The following ZNF654 variants were observed in gnomAD, a reference collection of about 807,000 sequenced individuals.
ZNF654 encodes the protein zinc finger protein 654.
A neutral mutation model predicts 95.3 loss-of-function variants in ZNF654; 19 were observed. The ratio of observed to expected loss-of-function variants is 0.20; its 90% CI spans 0.14 to 0.29. The LOEUF (loss-of-function observed/expected upper bound fraction) is 0.29, where lower values mean the gene tolerates loss of function less well. Ranked by LOEUF, ZNF654 falls within the 10% of genes least tolerant of loss-of-function variation. The probability of loss-of-function intolerance (pLI) is 1.00; values close to 1 mark genes in which losing one functional copy is unlikely to be tolerated. For synonymous variants in ZNF654, 413 were observed against 457.9 expected, an observed-to-expected ratio of 0.90 and a Z score of 1.25; for missense variants, 1,046 against 1,341.0, an observed-to-expected ratio of 0.78 and a Z score of 3.44.
chr3:88,124,956 C>T (rs1039531431), intron 3 of ZNF654, among the ~76,000 whole-genome samples: 6 of 152,100 alleles, frequency 3.9e-5, no homozygotes, highest in Non-Finnish European at 8.8e-5. Context: ...TGGCTCACGC[C>T]TGTAATCCCA....
chr3:88,140,612 T>C lies in ZNF654; in HGVS notation c.2943T>C (p.Ser981=). 1 of 1,613,688 alleles carries C rather than the reference T, an allele frequency of 6.2e-7. No individual in the cohort carries two copies. Among genetic ancestry groups the C allele is most frequent in the Non-Finnish European group, 8.5e-7 (1 of 1,179,706 alleles). ...CSSSDIVNGH[S]EIEQTPLVSS... ...GTAGTGATATAGTCAATGGACACAG[T>C]GAAATAGAGCAAACACCTTTAGTTT... The change falls in exon 8 of 9, where the codon AGT becomes AGC. Residue 981 remains serine, a synonymous_variant. Coordinates refer to ENST00000636215, the MANE Select transcript of ZNF654 (RefSeq NM_001350134.2).
chr3:88,069,477 G>A (rs944140405), intron 1 of ZNF654, among the ~76,000 whole-genome samples: 1 of 152,142 alleles, frequency 6.6e-6, no homozygotes, highest in African/African-American at 2.4e-5. Context: ...CACTTGAATG[G>A]GATATGCTTA....
rs1559701696 is a variant in ZNF654 at position 88,088,761 on chromosome 3, T to TGGATGG, written c.332+2359_332+2360insGGATGG. Among the ~76,000 whole-genome samples, 612 of 126,470 alleles carry TGGATGG rather than the reference T, an allele frequency of 4.8e-3. 2 individuals are homozygous for TGGATGG. Among genetic ancestry groups the TGGATGG allele is most frequent in the East Asian group, 0.014 (56 of 4,068 alleles). 83.0% of individuals were successfully genotyped at this position (126,470 alleles called of 152,430 possible). On this transcript the variant is annotated intron_variant, in intron 2 of 8. Transcript: ENST00000636215. ...ACCTTTATTTATGTATGTATGTATGTATGGATGGATGGATGGATGGATGGA... is the reference window on the plus strand; with the variant it reads ...ACCTTTATTTATGTATGTATGTATGTGGATGGATGGATGGATGGATGGATGGATGGA...
Position 88,139,276 on chromosome 3 carries a change from C to G in ZNF654, c.1607C>G (p.Ser536Cys). 1 of 1,556,024 alleles carries G rather than the reference C, an allele frequency of 6.4e-7. No homozygotes were observed. The highest frequency in any genetic ancestry group is 8.6e-7 in the Non-Finnish European group (1 of 1,157,332). The change falls in exon 8 of 9, where the codon TCC becomes TGC. Residue 536 changes from serine (S) to cysteine (C), a missense_variant. Ser to Cys is a moderately radical substitution (Grantham distance 112, BLOSUM62 -1). Transcript: ENST00000636215. Reference sequence around the variant, plus strand: ...AAAAATCTTACAGCTCTCAGTACTTCCAAAGTAGATCACAATGTCCCAAGG... The same window carrying G: ...AAAAATCTTACAGCTCTCAGTACTTGCAAAGTAGATCACAATGTCCCAAGG... ...TKKNLTALST[S>C]KVDHNVPRHR...
At chr3:88,132,918 G>T (rs560725526) in intron 6 of ZNF654, among the ~76,000 whole-genome samples, 1 of 152,272 alleles carries the variant, frequency 6.6e-6, no homozygotes, top group East Asian at 1.9e-4. Flanking sequence ...AACATTTAGG[G>T]TGCAGTATGA....
chr3:88,100,963 A>G (rs1200641880), intron 2 of ZNF654, among the ~76,000 whole-genome samples: 1 of 152,244 alleles, frequency 6.6e-6, no homozygotes. Flanking sequence ...GTATAATAAA[A>G]GAAAACTTTA....
At position 88,129,724 on chromosome 3, in the gene ZNF654, T is replaced by G; in HGVS notation, c.791T>G (p.Ile264Ser). 6.6e-7 allele frequency: 1 copy of G among 1,520,464 alleles called. No individual in the cohort carries two copies. The highest frequency in any genetic ancestry group is 8.8e-7 in the Non-Finnish European group (1 of 1,137,048). The allele number at this position is 1,520,464 out of a possible 1,614,324, so 94.2% of individuals were successfully genotyped here. A position where few individuals can be genotyped will look rare whatever the true frequency, so the allele number is the denominator to read the frequency against. The change falls in exon 6 of 9, where the codon ATC becomes AGC. Residue 264 changes from isoleucine (I) to serine (S), a missense_variant. Coordinates refer to ENST00000636215, the MANE Select transcript of ZNF654 (RefSeq NM_001350134.2). ...LKTDCKSGID[I>S]ICNAEKEGKT... ...ACTGATTGTAAGAGTGGAATTGATA[T>G]CATCTGTAATGCTGAAAAAGAAGGC...
At chr3:88,081,534 T>C (rs1708076990) in intron 1 of ZNF654, among the ~76,000 whole-genome samples, 1 of 152,250 alleles carries the variant, frequency 6.6e-6, no homozygotes, top group Non-Finnish European at 1.5e-5. Flanking sequence ...GTCTCATTGC[T>C]AACATTTATT....
intron 3 of ZNF654, among the ~76,000 whole-genome samples, chr3:88,118,194 C>CT (rs1705529184): frequency 6.6e-6 from 1 of 152,078 alleles, no homozygotes; most frequent in Admixed American, 6.6e-5. Flanking sequence ...TCGCAAAGAT[C>CT]TTTTTTGTTC....
intron 1 of ZNF654, among the ~76,000 whole-genome samples, chr3:88,083,541 C>T (rs1397032770): frequency 6.6e-6 from 1 of 152,168 alleles, no homozygotes; most frequent in African/African-American, 2.4e-5. Context: ...GCTATTGCTT[C>T]TGTCATCAGT....
At chr3:88,072,148 C>A (rs1448885041) in intron 1 of ZNF654, among the ~76,000 whole-genome samples, 1 of 152,054 alleles carries the variant, frequency 6.6e-6, no homozygotes, top group East Asian at 1.9e-4. Flanking sequence ...AAAGGAAAAA[C>A]CATCCTTGCT....
intron 1 of ZNF654, among the ~76,000 whole-genome samples, chr3:88,073,900 C>T (rs371077115): frequency 6.6e-6 from 1 of 152,058 alleles, no homozygotes; most frequent in South Asian, 2.1e-4. Context: ...TTTATTTTCT[C>T]CTTTTAGTAA....
chr3:88,077,514 T>TA (rs1169221697), intron 1 of ZNF654, among the ~76,000 whole-genome samples: 2 of 151,364 alleles, frequency 1.3e-5, no homozygotes, highest in East Asian at 3.9e-4. Flanking sequence ...TTGTGATTTT[T>TA]TTAGTAGAGA....
intron 1 of ZNF654, among the ~76,000 whole-genome samples, chr3:88,076,617 G>A (rs1182639245): frequency 1.3e-5 from 2 of 151,984 alleles, no homozygotes; most frequent in Admixed American, 6.6e-5. Context: ...TCTTGAAACC[G>A]AGCATACCTC....
Position 88,142,190 on chromosome 3 carries a change from A to G in ZNF654, c.*538A>G, listed in dbSNP as rs934350342. 2.6e-5 allele frequency: 4 copies of G among 152,396 alleles called. No individual in the cohort carries two copies. Among genetic ancestry groups the G allele is most frequent in the African/African-American group, 9.7e-5 (4 of 41,412 alleles). 9.4% of individuals were successfully genotyped at this position (152,396 alleles called of 1,614,324 possible). ...TGATTGATTTAGAAACTTATACATT[A>G]ACTTACCACAGTGCTATCAATTAAA... On this transcript the variant is annotated 3_prime_UTR_variant, in exon 9 of 9. Transcript: ENST00000636215.
Position 88,129,729 on chromosome 3 carries a change from T to C in ZNF654, c.796T>C (p.Cys266Arg). 6.5e-7 allele frequency: 1 copy of C among 1,527,888 alleles called. No homozygotes were observed. Among genetic ancestry groups the C allele is most frequent in the Non-Finnish European group, 8.8e-7 (1 of 1,141,482 alleles). The allele number at this position is 1,527,888 out of a possible 1,614,324, so 94.6% of individuals were successfully genotyped here. A position where few individuals can be genotyped will look rare whatever the true frequency, so the allele number is the denominator to read the frequency against. The change falls in exon 6 of 9, where the codon TGT (cysteine) becomes CGT (arginine). Residue 266 changes from cysteine to arginine, a missense_variant. This residue lies in a region of ZNF654 where 121 missense variants were observed against 141.7 expected (regional missense o/e 0.85). Transcript: ENST00000636215. Reference protein sequence around the residue: ...TDCKSGIDIICNAEKEGKTML... With the variant: ...TDCKSGIDIIRNAEKEGKTML... Reference sequence around the variant, plus strand: ...TTGTAAGAGTGGAATTGATATCATCTGTAATGCTGAAAAAGAAGGCAAAAC... The same window carrying C: ...TTGTAAGAGTGGAATTGATATCATCCGTAATGCTGAAAAAGAAGGCAAAAC...
At chr3:88,087,375 G>C (rs1264097453) in intron 2 of ZNF654, among the ~76,000 whole-genome samples, 1 of 152,114 alleles carries the variant, frequency 6.6e-6, no homozygotes, top group Non-Finnish European at 1.5e-5. Context: ...ACACCTGGCT[G>C]AAAATCCTGG....
chr3:88,093,842 G>A (rs749531979), intron 2 of ZNF654, among the ~76,000 whole-genome samples: 6 of 152,150 alleles, frequency 3.9e-5, no homozygotes, highest in African/African-American at 1.4e-4. Flanking sequence ...TAATTATAAA[G>A]GTACATTTGT....
intron 2 of ZNF654, among the ~76,000 whole-genome samples, chr3:88,110,320 T>C (rs1465204677): frequency 6.6e-6 from 1 of 152,134 alleles, no homozygotes; most frequent in African/African-American, 2.4e-5. Flanking sequence ...TTATAGGCTG[T>C]CTGCCTATAA....
Sources: allele counts gnomAD v4.1 joint callset (sites outside exome capture counted in the v4.1 genomes callset), GRCh38; gene constraint gnomAD v4.1.1; regional missense constraint gnomAD v4.1.1; transcripts MANE v1.5; gene names NCBI Gene and HGNC (gene_info 2026-07-23, HGNC 2026-07-21).